The following ZNF804A variants were observed in gnomAD, a reference collection of about 807,000 sequenced individuals.
ZNF804A encodes the protein zinc finger protein 804A.
In ZNF804A, 2 loss-of-function variants were observed where a neutral mutation model predicts 16.5. The ratio of observed to expected loss-of-function variants is 0.12; its 90% CI spans 0.05 to 0.38. The LOEUF is 0.38. Among genes scored for constraint, ZNF804A ranks in the 10% least tolerant of loss-of-function variants. The pLI is 0.99. For synonymous variants in ZNF804A, 534 were observed against 489.6 expected (o/e 1.09, Z -1.20); for missense variants, 1,473 against 1,390.7 (o/e 1.06, Z -0.94).
chr2:184,883,084 A>C (rs898892062), intron 2 of ZNF804A, among the ~76,000 whole-genome samples: 2 of 152,106 alleles, frequency 1.3e-5, no homozygotes, highest in Admixed American at 6.6e-5. Context: ...ACACAACCAG[A>C]AATAAAAACA....
At chr2:184,747,518 T>C (rs1693808865) in intron 1 of ZNF804A, among the ~76,000 whole-genome samples, 1 of 151,086 alleles carries the variant, frequency 6.6e-6, no homozygotes, top group Non-Finnish European at 1.5e-5. Context: ...CGTTATGTAT[T>C]TCATAAATAA....
Position 184,786,932 on chromosome 2 carries a change from T to C in ZNF804A, c.112-79437T>C, listed in dbSNP as rs1186349181. Among the ~76,000 whole-genome samples the C allele has an allele frequency of 8.5e-5, 13 of 152,094 alleles. No individual in the cohort carries two copies. In the East Asian group the frequency reaches 2.1e-3, roughly 25 times the overall value. On this transcript the variant is annotated intron_variant, in intron 1 of 3. Coordinates refer to ENST00000302277, the MANE Select transcript of ZNF804A (RefSeq NM_194250.2). ...TTTCTGCTATTATTTAACTTTAATA[T>C]AGTCTATCTAAGTACAATTTAAAAA...
At chr2:184,633,993 T>C (rs567622165) in intron 1 of ZNF804A, among the ~76,000 whole-genome samples, 1 of 152,264 alleles carries the variant, frequency 6.6e-6, no homozygotes, top group Middle Eastern at 3.4e-3. Flanking sequence ...TGGCCCTGCT[T>C]GTGCCACATG....
At chr2:184,808,636 A>C (rs528068171) in intron 1 of ZNF804A, among the ~76,000 whole-genome samples, 71 of 151,594 alleles carry the variant, frequency 4.7e-4, no homozygotes, top group Non-Finnish European at 8.4e-4. Context: ...TTGTGCACTA[A>C]TACACTTTTA....
chr2:184,911,187 T>G (rs1441526566), intron 2 of ZNF804A, among the ~76,000 whole-genome samples: 1 of 152,092 alleles, frequency 6.6e-6, no homozygotes, highest in African/African-American at 2.4e-5. Context: ...CTTCTGCATA[T>G]AGCTAGCCAG....
chr2:184,817,702 G>C (rs1381173108), intron 1 of ZNF804A, among the ~76,000 whole-genome samples: 1 of 151,994 alleles, frequency 6.6e-6, no homozygotes, highest in Non-Finnish European at 1.5e-5. Context: ...CCAGTTTAGA[G>C]AGGAGCATAA....
chr2:184,731,251 C>CAAAAAAAAAAAAAAAAAAA (rs563068533), intron 1 of ZNF804A, among the ~76,000 whole-genome samples: 1 of 45,296 alleles, frequency 2.2e-5, no homozygotes, highest in Non-Finnish European at 3.5e-5. Context: ...GGCTCCGTCG[C>CAAAAAAAAAAAAAAAAAAA]AAAAAAAAAA....
intron 1 of ZNF804A, among the ~76,000 whole-genome samples, chr2:184,788,744 G>A (rs1694487857): frequency 6.6e-6 from 1 of 151,964 alleles, no homozygotes; most frequent in Non-Finnish European, 1.5e-5. Flanking sequence ...GTAGTCTTTA[G>A]AGTTTTCTAG....
rs574523070 is a variant in ZNF804A, at chr2:184,886,109, T to C, written c.255+19597T>C. Among the ~76,000 whole-genome samples, 3 of 152,316 alleles carry C rather than the reference T, an allele frequency of 2.0e-5. No individual in the cohort carries two copies. In the South Asian group the frequency reaches 6.2e-4, roughly 32 times the overall value. On this transcript the variant is annotated intron_variant, in intron 2 of 3. Transcript: ENST00000302277. ...AAAAGCAAGCTAGTTTCTTCCTAGA[T>C]ACAATGGAGGTACAGTTATTGGGTA...
Position 184,813,993 on chromosome 2 carries a change from C to CTTTTT in ZNF804A, c.112-52352_112-52348dup, listed in dbSNP as rs1163432699. ...TTTAGGGCATGTTTGAGAAAGGCAGCTTTTTTTTTTTTTTTTTTTTTTTTT... is the reference window on the plus strand; with the variant it reads ...TTTAGGGCATGTTTGAGAAAGGCAGCTTTTTTTTTTTTTTTTTTTTTTTTTTTTTT... On this transcript the variant is annotated intron_variant, in intron 1 of 3. Transcript: ENST00000302277. Among the ~76,000 whole-genome samples the CTTTTT allele has an allele frequency of 5.1e-4, 25 of 49,174 alleles. 1 individual carries two copies. Among genetic ancestry groups the CTTTTT allele is most frequent in the South Asian group, 9.8e-4 (1 of 1,016 alleles). 32.3% of individuals were successfully genotyped at this position (49,174 alleles called of 152,430 possible).
intron 1 of ZNF804A, among the ~76,000 whole-genome samples, chr2:184,671,134 C>T (rs567421246): frequency 6.6e-6 from 1 of 152,244 alleles, no homozygotes; most frequent in South Asian, 2.1e-4. Context: ...TCAGTTCAGG[C>T]TTTTGAGCTT....
At chr2:184,708,626 C>T (rs948498313) in intron 1 of ZNF804A, among the ~76,000 whole-genome samples, 68 of 152,104 alleles carry the variant, frequency 4.5e-4, no homozygotes, top group African/African-American at 1.6e-3. Context: ...ACAAATATTA[C>T]TAAAATATTA....
intron 1 of ZNF804A, among the ~76,000 whole-genome samples, chr2:184,827,869 C>T (rs1292305154): frequency 1.3e-5 from 2 of 151,576 alleles, no homozygotes; most frequent in Admixed American, 6.6e-5. Flanking sequence ...GCTGTTTACA[C>T]GTTGATATTC....
intron 1 of ZNF804A, among the ~76,000 whole-genome samples, chr2:184,665,069 A>G (rs1483106350): frequency 6.6e-6 from 1 of 150,774 alleles, no homozygotes; most frequent in Non-Finnish European, 1.5e-5. Flanking sequence ...GCTGTATCAT[A>G]TATATTTCAG....
At chr2:184,605,297 C>T (rs1176490581) in intron 1 of ZNF804A, among the ~76,000 whole-genome samples, 6 of 152,034 alleles carry the variant, frequency 3.9e-5, no homozygotes, top group Non-Finnish European at 7.4e-5. Flanking sequence ...ATCTGTTTAT[C>T]ACATTTTTAT....
At chr2:184,820,679 G>T (rs1194255385) in intron 1 of ZNF804A, among the ~76,000 whole-genome samples, 2 of 151,948 alleles carry the variant, frequency 1.3e-5, no homozygotes, top group Non-Finnish European at 2.9e-5. Context: ...CATCATTTCA[G>T]CCCAGAAGCT....
intron 1 of ZNF804A, among the ~76,000 whole-genome samples, chr2:184,759,439 T>C (rs1694008660): frequency 6.6e-6 from 1 of 151,818 alleles, no homozygotes; most frequent in Admixed American, 6.6e-5. Flanking sequence ...AGTAAACAGA[T>C]AAATTGCATA....
chr2:184,818,289 T>C (rs1695014662), intron 1 of ZNF804A, among the ~76,000 whole-genome samples: 1 of 152,018 alleles, frequency 6.6e-6, no homozygotes, highest in South Asian at 2.1e-4. Flanking sequence ...CAACCCAGAA[T>C]TGGATATCTG....
At chr2:184,777,560 A>G (rs763813940) in intron 1 of ZNF804A, among the ~76,000 whole-genome samples, 84 of 146,980 alleles carry the variant, frequency 5.7e-4, no homozygotes, top group Middle Eastern at 3.4e-3. Flanking sequence ...AATGCTGTCT[A>G]CATTTTTTTT....
Sources: allele counts gnomAD v4.1 joint callset (sites outside exome capture counted in the v4.1 genomes callset), GRCh38; gene constraint gnomAD v4.1.1; transcripts MANE v1.5; gene names NCBI Gene and HGNC (gene_info 2026-07-23, HGNC 2026-07-21).